ASPM: variants seen among roughly 807,000 people sequenced by gnomAD.
ASPM encodes the protein abnormal spindle-like microcephaly-associated protein.
A neutral mutation model predicts 366.4 loss-of-function variants in ASPM; 256 were observed. The ratio of observed to expected loss-of-function variants is 0.70; its 90% CI spans 0.63 to 0.77. The LOEUF is 0.77. ASPM is among the 30% of genes least tolerant of loss of function. ASPM has a pLI of 0.00. For synonymous variants in ASPM, 1,414 were observed against 1,342.9 expected, an observed-to-expected ratio of 1.05 and a Z score of -1.16; for missense variants, 4,146 against 4,090.4, an observed-to-expected ratio of 1.01 and a Z score of -0.37.
intron 26 of ASPM, among the ~76,000 whole-genome samples, chr1:197,087,601 C>A (rs996354889): frequency 6.6e-6 from 1 of 152,030 alleles, no homozygotes; most frequent in African/African-American, 2.4e-5. Flanking sequence ...GAAAAGTTTA[C>A]CTCTGCAGTT....
chr1:197,103,604 A>G lies in ASPM; in HGVS notation c.5647T>C (p.Ser1883Pro). Residue 1883 changes from serine to proline, a missense_variant, in exon 18 of 28, where the codon TCT (serine) becomes CCT (proline). Around this residue, in one of 3 missense-constraint regions of ASPM, gnomAD observed 3,624 missense variants for 3,591.7 expected, o/e 1.01. Coordinates refer to ENST00000367409, the MANE Select transcript of ASPM (RefSeq NM_018136.5). ...KTKAAVISLQSAYRGWKVRKQ... is the reference protein window; with the variant it reads ...KTKAAVISLQPAYRGWKVRKQ... ...CGAACCTTCCAGCCACGATAAGCAG[A>G]CTGGAGGGAAATCACAGCTGCCTTT... 2 of 1,612,886 alleles carry G rather than the reference A, an allele frequency of 1.2e-6. No homozygotes were observed. The highest frequency in any genetic ancestry group is 1.7e-6 in the Non-Finnish European group (2 of 1,179,442).
chr1:197,128,158 C>T (rs904119327), intron 10 of ASPM, among the ~76,000 whole-genome samples: 11 of 148,692 alleles, frequency 7.4e-5, no homozygotes, highest in East Asian at 3.9e-4. Context: ...AGCAAGACTC[C>T]GTCTCAAAAA....
intron 23 of ASPM, among the ~76,000 whole-genome samples, chr1:197,090,627 C>T (rs1331684953): frequency 1.3e-5 from 2 of 152,000 alleles, no homozygotes; most frequent in African/African-American, 4.8e-5. Flanking sequence ...TAAATTTATT[C>T]AAAATGTTAA....
chr1:197,125,296 G>T, intron 10 of ASPM, 105 bp from the exon 11 acceptor site: 1 of 1,367,094 alleles, frequency 7.3e-7, no homozygotes. Flanking sequence ...CAGTTACAGG[G>T]CTTTATGATC....
At position 197,084,264 on chromosome 1, in the gene ASPM, G is replaced by T. The variant is rs1537318; in HGVS notation, c.*60C>A. 1.5e-4 allele frequency: 184 copies of T among 1,258,744 alleles called. 4 individuals are homozygous for T. The South Asian group carries it at 2.1e-3, about 14-fold the overall frequency. 78.0% of individuals were successfully genotyped at this position (1,258,744 alleles called of 1,614,324 possible). A position where few individuals can be genotyped will look rare whatever the true frequency, so the allele number is the denominator to read the frequency against. On this transcript the variant is annotated 3_prime_UTR_variant, in exon 28 of 28. Transcript: ENST00000367409. ...ACACGGAGAGCAAAAATCACTTTACGTACTCATGATTGGCTTTAATATTTC... is the reference window on the plus strand; with the variant it reads ...ACACGGAGAGCAAAAATCACTTTACTTACTCATGATTGGCTTTAATATTTC...
intron 7 of ASPM, 57 bp downstream of exon 7, chr1:197,132,228 C>T: frequency 7.5e-7 from 1 of 1,337,280 alleles, no homozygotes; most frequent in Non-Finnish European, 1.0e-6. Flanking sequence ...TGAGTCTATT[C>T]TACAAAAAGT....
At chr1:197,139,176 A>G in intron 4 of ASPM, 1 of 955,352 alleles carries the variant, frequency 1.0e-6, no homozygotes, top group Non-Finnish European at 1.7e-6. Flanking sequence ...CATATCTTGG[A>G]GCTTAACGAA....
In ASPM at chr1:197,122,428, A is replaced by G. The variant is rs1192547699; in HGVS notation, c.3558T>C (p.Asp1186=). 2 of 1,613,792 alleles carry G rather than the reference A, an allele frequency of 1.2e-6. No homozygotes were observed. Among genetic ancestry groups the G allele is most frequent in the East Asian group, 2.2e-5 (1 of 44,884 alleles). Residue 1186 remains aspartate, a synonymous_variant, in exon 14 of 28, where the codon GAT becomes GAC. Coordinates refer to ENST00000367409, the MANE Select transcript of ASPM (RefSeq NM_018136.5). Reference sequence around the variant, plus strand: ...TAAGAGACATATCCAGAGAACTGTCATCAGATTCAGATGATGAATTTAATA... The same window carrying G: ...TAAGAGACATATCCAGAGAACTGTCGTCAGATTCAGATGATGAATTTAATA... The part of the protein sequence containing the change: ...SVVLNSSSES[D]DSSLDMSLKA...
chr1:197,096,400 A>G (rs1168459758), intron 18 of ASPM, among the ~76,000 whole-genome samples: 3 of 151,842 alleles, frequency 2.0e-5, no homozygotes, highest in African/African-American at 7.2e-5. Flanking sequence ...GCTGGCTGCC[A>G]GCCCAGCCTA....
chr1:197,125,236 T>G, intron 10 of ASPM, 45 bp from the exon 11 acceptor site: 1 of 1,604,656 alleles, frequency 6.2e-7, no homozygotes, highest in Non-Finnish European at 8.5e-7. Context: ...TAAAAACGTA[T>G]ATGAAAAAAC....
intron 17 of ASPM, among the ~76,000 whole-genome samples, chr1:197,107,944 A>C (rs539520449): frequency 6.6e-6 from 1 of 152,254 alleles, no homozygotes; most frequent in South Asian, 2.1e-4. Context: ...AAAAAACTCT[A>C]TTTATAAAAA....
At chr1:197,137,583 C>T (rs549281872) in intron 4 of ASPM, among the ~76,000 whole-genome samples, 7 of 152,198 alleles carry the variant, frequency 4.6e-5, no homozygotes, top group African/African-American at 1.4e-4. Flanking sequence ...TGGGTATAAG[C>T]GACTCTCCCG....
At chr1:197,122,847 A>T (rs1657960234) in intron 13 of ASPM, among the ~76,000 whole-genome samples, 1 of 152,194 alleles carries the variant, frequency 6.6e-6, no homozygotes, top group Non-Finnish European at 1.5e-5. Context: ...GAACTGTGAG[A>T]GAATAAATTT....
chr1:197,142,731 T>C lies in ASPM; in HGVS notation c.1521A>G (p.Glu507=). 1 of 1,614,032 alleles carries C rather than the reference T, an allele frequency of 6.2e-7. No homozygotes were observed. Among genetic ancestry groups the C allele is most frequent in the Non-Finnish European group, 8.5e-7 (1 of 1,179,890 alleles). ...TTGGTTTATTAATCTCAGTTTGGTT[T>C]TCTCTGGTACAGGTGGCCTTCCTTT... ...VTKRKATCTR[E]NQTEINKPKA... Residue 507 remains glutamate, a synonymous_variant, in exon 3 of 28, where the codon GAA becomes GAG. Coordinates refer to ENST00000367409, the MANE Select transcript of ASPM (RefSeq NM_018136.5).
At position 197,129,325 on chromosome 1, in the gene ASPM, A is replaced by C. The variant is rs961113789; in HGVS notation, c.2630-8T>G. 1 of 1,611,246 alleles carries C rather than the reference A, an allele frequency of 6.2e-7. No individual in the cohort carries two copies. ...ACAAAGCTTCTTCATGACCTTAAAT[A>C]AAGTACAAAAAAGCACAGCAAGTTA... On this transcript the variant is annotated splice_polypyrimidine_tract_variant and splice_region_variant and intron_variant, in intron 8 of 27. Coordinates refer to ENST00000367409, the MANE Select transcript of ASPM (RefSeq NM_018136.5).
intron 16 of ASPM, 143 bp from the exon 17 acceptor site, chr1:197,118,126 A>T: frequency 1.3e-6 from 1 of 792,722 alleles, no homozygotes; most frequent in Non-Finnish European, 2.0e-6. Flanking sequence ...TCATCTTTGG[A>T]ATACTGATAA....
In ASPM at chr1:197,101,560, T is replaced by C. The variant is rs1356417425; in HGVS notation, c.7691A>G (p.Tyr2564Cys). 9 of 1,609,710 alleles carry C rather than the reference T, an allele frequency of 5.6e-6. No homozygotes were observed. The highest frequency in any genetic ancestry group is 3.3e-4 in the Middle Eastern group (2 of 6,056). ...HKASIVIQSTYRMYRQYCFYQ... is the reference protein window; with the variant it reads ...HKASIVIQSTCRMYRQYCFYQ... ...GAAACAATACTGCCTATACATTCTG[T>C]AGGTGCTTTGTATTACGATAGAAGC... Residue 2564 changes from tyrosine (Y) to cysteine (C), a missense_variant, in exon 18 of 28, where the codon TAC becomes TGC. Physicochemically the swap from Tyr to Cys is radical, Grantham distance 194. Around this residue, in one of 3 missense-constraint regions of ASPM, gnomAD observed 3,624 missense variants for 3,591.7 expected, o/e 1.01. Coordinates refer to ENST00000367409, the MANE Select transcript of ASPM (RefSeq NM_018136.5).
At chr1:197,093,985 G>T in intron 20 of ASPM, 99 bp downstream of exon 20, 1 of 813,476 alleles carries the variant, frequency 1.2e-6, no homozygotes, top group Non-Finnish European at 1.9e-6. Flanking sequence ...TTTTTTTCCA[G>T]CGAAGGATTT....
intron 10 of ASPM, among the ~76,000 whole-genome samples, chr1:197,127,133 C>T (rs940258211): frequency 6.6e-5 from 10 of 152,148 alleles, no homozygotes; most frequent in Admixed American, 5.9e-4. Flanking sequence ...AATTGGTCTC[C>T]ATGAAACATG....
Sources: allele counts gnomAD v4.1 joint callset (sites outside exome capture counted in the v4.1 genomes callset), GRCh38; gene constraint gnomAD v4.1.1; regional missense constraint gnomAD v4.1.1; transcripts MANE v1.5; gene names NCBI Gene and HGNC (gene_info 2026-07-23, HGNC 2026-07-21).